C12orf42: variants seen among roughly 807,000 people sequenced by gnomAD.
C12orf42 encodes uncharacterized protein C12orf42.
In C12orf42, 25 loss-of-function variants were observed where a neutral mutation model predicts 21.6. The ratio of observed to expected loss-of-function variants is 1.16; its 90% CI spans 0.84 to 1.62. The LOEUF (loss-of-function observed/expected upper bound fraction) is 1.62, where lower values mean the gene tolerates loss of function less well. Ranked by LOEUF, C12orf42 falls within the 40% of genes most tolerant of loss-of-function variation. The pLI is 0.00. For synonymous variants in C12orf42, 174 were observed against 175.0 expected, an observed-to-expected ratio of 0.99 and a Z score of 0.05; for missense variants, 483 against 459.3, an observed-to-expected ratio of 1.05 and a Z score of -0.47.
chr12:103,381,408 C>G (rs1372048551), intron 3 of C12orf42, among the ~76,000 whole-genome samples: 2 of 152,174 alleles, frequency 1.3e-5, no homozygotes, highest in Non-Finnish European at 2.9e-5. Flanking sequence ...ACACTCCCCA[C>G]CTTTCCGTAC....
At chr12:103,224,445 C>G in the C12orf42 span, among the ~76,000 whole-genome samples, 1 of 152,046 alleles carries the variant, frequency 6.6e-6, no homozygotes, top group Non-Finnish European at 1.5e-5. Context: ...ATAAATTAAG[C>G]GTGATCAGGG....
At chr12:103,340,784 T>C (rs900068794) in intron 4 of C12orf42, among the ~76,000 whole-genome samples, 30 of 152,110 alleles carry the variant, frequency 2.0e-4, no homozygotes, top group African/African-American at 5.3e-4. Flanking sequence ...GGATGGCAGA[T>C]TAAACATTGC....
chr12:103,485,274 A>T (rs928348171), intron 1 of C12orf42, among the ~76,000 whole-genome samples: 1 of 152,138 alleles, frequency 6.6e-6, no homozygotes, highest in African/African-American at 2.4e-5. Context: ...CAAAGATCAG[A>T]TGGTTGTAGA....
At chr12:103,225,330 G>T in the C12orf42 span, among the ~76,000 whole-genome samples, 1 of 152,152 alleles carries the variant, frequency 6.6e-6, no homozygotes, top group East Asian at 1.9e-4. Flanking sequence ...TGGGGGAATT[G>T]TAAGGAGAGT....
At position 103,302,504 on chromosome 12, in the gene C12orf42, G is replaced by T; in HGVS notation, c.687C>A (p.Pro229=). Residue 229 remains proline, a synonymous_variant, in exon 6 of 6, where the codon CCC becomes CCA. Coordinates refer to ENST00000548883, the MANE Select transcript of C12orf42 (RefSeq NM_198521.5). ...TCGGGCCGGTGCTCTGCAGAGCGCC[G>T]GGCGTCTGGCTCCTCCTGCAGAGGC... The part of the protein sequence containing the change: ...AIGLCRRSQT[P]GALQSTGPSN... 1 of 1,613,180 alleles carries T rather than the reference G, an allele frequency of 6.2e-7. No individual in the cohort carries two copies. Among genetic ancestry groups the T allele is most frequent in the Non-Finnish European group, 8.5e-7 (1 of 1,179,786 alleles).
chr12:103,176,254 C>T, the C12orf42 span, among the ~76,000 whole-genome samples: 44 of 152,192 alleles, frequency 2.9e-4, no homozygotes, highest in Non-Finnish European at 5.0e-4. Flanking sequence ...AAACATACAT[C>T]GTATAAAAAT....
At chr12:103,143,665 A>C in the C12orf42 span, among the ~76,000 whole-genome samples, 12 of 152,378 alleles carry the variant, frequency 7.9e-5, no homozygotes, top group African/African-American at 2.6e-4. Flanking sequence ...CAAAGGCTGC[A>C]TAGTTCTAAG....
chr12:103,283,331 AC>A (rs2036246953), intron 4 of C12orf42, among the ~76,000 whole-genome samples: 1 of 152,164 alleles, frequency 6.6e-6, no homozygotes, highest in South Asian at 2.1e-4. Flanking sequence ...ACTTCTCTGG[AC>A]CACAGTGCAT....
At chr12:103,275,350 AAC>A (rs1461043103) in intron 5 of C12orf42, among the ~76,000 whole-genome samples, 1 of 152,190 alleles carries the variant, frequency 6.6e-6, no homozygotes, top group Admixed American at 6.5e-5. Context: ...ACCTATATTA[AAC>A]ACATTAATTT....
At chr12:103,487,629 C>A (rs368322873) in intron 1 of C12orf42, among the ~76,000 whole-genome samples, 33 of 152,322 alleles carry the variant, frequency 2.2e-4, no homozygotes, top group East Asian at 2.1e-3. Flanking sequence ...CTTTATGAAT[C>A]TGGTTGCTCC....
chr12:103,148,560 A>T, the C12orf42 span, among the ~76,000 whole-genome samples: 1 of 152,188 alleles, frequency 6.6e-6, no homozygotes, highest in Non-Finnish European at 1.5e-5. Flanking sequence ...GAGTGAGCAG[A>T]TGCTAAACCA....
chr12:103,411,992 A>G (rs1593883414), intron 2 of C12orf42, among the ~76,000 whole-genome samples: 2 of 152,206 alleles, frequency 1.3e-5, no homozygotes, highest in East Asian at 3.8e-4. Flanking sequence ...TACCAATGCA[A>G]TGATCACTGG....
the C12orf42 span, among the ~76,000 whole-genome samples, chr12:103,169,159 T>TATAAATAA: frequency 0.015 from 2,241 of 145,464 alleles, 28 homozygotes; most frequent in East Asian, 0.032. Flanking sequence ...TAAAGTATAA[T>TATAAATAA]ATAAATAAAT....
At chr12:103,105,108 T>C in the C12orf42 span, among the ~76,000 whole-genome samples, 2 of 152,108 alleles carry the variant, frequency 1.3e-5, no homozygotes, top group African/African-American at 2.4e-5. Context: ...CAAAAGCAAA[T>C]GAATCCATTG....
intron 1 of C12orf42, among the ~76,000 whole-genome samples, chr12:103,484,863 G>GTTTTTT (rs56025837): frequency 2.1e-4 from 15 of 71,678 alleles, no homozygotes; most frequent in East Asian, 1.8e-3. Flanking sequence ...TCTGGTTTCA[G>GTTTTTT]TTTTTTTTTT....
At chr12:103,201,037 G>A in the C12orf42 span, among the ~76,000 whole-genome samples, 1 of 152,202 alleles carries the variant, frequency 6.6e-6, no homozygotes, top group African/African-American at 2.4e-5. Context: ...TGAAGAAGTG[G>A]TAGTCAGTTG....
the C12orf42 span, among the ~76,000 whole-genome samples, chr12:103,115,447 A>C: frequency 6.6e-6 from 1 of 152,250 alleles, no homozygotes; most frequent in Admixed American, 6.5e-5. Context: ...AGAGCATCTT[A>C]GAAAATTGTG....
intron 4 of C12orf42, among the ~76,000 whole-genome samples, chr12:103,285,366 T>A (rs898683262): frequency 6.6e-6 from 1 of 152,228 alleles, no homozygotes; most frequent in African/African-American, 2.4e-5. Context: ...TAAGAATTAT[T>A]TCCTCCATTT....
At chr12:103,294,583 G>GGAAAGAAAGAAAGAAAGAAAGAAA (rs60577440) in intron 4 of C12orf42, among the ~76,000 whole-genome samples, 7 of 80,356 alleles carry the variant, frequency 8.7e-5, no homozygotes, top group South Asian at 1.1e-3. Context: ...AAGGAAGGAA[G>GGAAAGAAAGAAAGAAAGAAAGAAA]GAAAGAAAGA....
Sources: allele counts gnomAD v4.1 joint callset (sites outside exome capture counted in the v4.1 genomes callset), GRCh38; gene constraint gnomAD v4.1.1; transcripts MANE v1.5; gene names NCBI Gene and HGNC (gene_info 2026-07-23, HGNC 2026-07-21).